IGF2R: variants seen among roughly 807,000 people sequenced by gnomAD.
The protein encoded by IGF2R is insulin like growth factor 2 receptor, also known as cation-independent mannose-6-phosphate receptor.
A neutral mutation model predicts 270.6 loss-of-function variants in IGF2R; 91 were observed. That is an observed-to-expected ratio of 0.34 (90% CI 0.28 to 0.40). The LOEUF (loss-of-function observed/expected upper bound fraction) is 0.40. IGF2R is among the 10% of genes least tolerant of loss of function. IGF2R has a pLI of 1.00. For synonymous variants in IGF2R, 1,316 were observed against 1,258.9 expected (o/e 1.05, Z -0.96); for missense variants, 2,805 against 3,188.3 (o/e 0.88, Z 2.90).
At chr6:160,048,692 C>A (rs1317897845) in intron 18 of IGF2R, 149 bp downstream of exon 18, 3 of 684,692 alleles carry the variant, frequency 4.4e-6, no homozygotes, top group Non-Finnish European at 7.3e-6. Context: ...CATGTGAACT[C>A]ATCTGCCTCC....
In IGF2R at chr6:160,050,580, C is replaced by G. The variant is rs1336793457; in HGVS notation, c.2622C>G (p.Ala874=). Residue 874 remains alanine (A), a synonymous_variant, in exon 19 of 48, where the codon GCC becomes GCG. Coordinates refer to ENST00000356956, the MANE Select transcript of IGF2R (RefSeq NM_000876.4). This position sits in a 1 kb window ranked among gnomAD's most constrained non-coding sequence, Gnocchi z 4.0. ...SLLLEYVNGS[A]CTTSDGRQTT... ...TTCTGGAATACGTGAATGGGTCGGC[C>G]TGCACCACCAGCGATGGCAGACAGA... The G allele has an allele frequency of 1.2e-6, 2 of 1,614,146 alleles. No homozygotes were observed. Among genetic ancestry groups the G allele is most frequent in the Admixed American group, 1.7e-5 (1 of 60,018 alleles).
intron 18 of IGF2R, among the ~76,000 whole-genome samples, chr6:160,049,361 G>A (rs8191815): frequency 1.3e-5 from 2 of 152,182 alleles, no homozygotes; most frequent in Admixed American, 6.5e-5. Flanking sequence ...TTGTTGGAAC[G>A]AGTGTAGTGG....
Position 160,105,936 on chromosome 6 carries a change from T to TGTGTGA in IGF2R, c.*855_*856insTGAGTG, listed in dbSNP as rs1779607903. On this transcript the variant is annotated 3_prime_UTR_variant, in exon 48 of 48. Coordinates refer to ENST00000356956, the MANE Select transcript of IGF2R (RefSeq NM_000876.4). Reference sequence around the variant, plus strand: ...GTGTGTGTGTGTGTGTGTGTGTGTGTGTGAGTGGAGTTGAGGTGTCAGAGA... The same window carrying TGTGTGA: ...GTGTGTGTGTGTGTGTGTGTGTGTGTGTGTGAGTGAGTGGAGTTGAGGTGTCAGAGA... The TGTGTGA allele has an allele frequency of 6.6e-6, 1 of 152,080 alleles. No homozygotes were observed. Among genetic ancestry groups the TGTGTGA allele is most frequent in the South Asian group, 2.1e-4 (1 of 4,780 alleles). 9.4% of individuals were successfully genotyped at this position (152,080 alleles called of 1,614,324 possible).
intron 1 of IGF2R, 137 bp from the exon 2 acceptor site, chr6:159,991,047 T>C: frequency 2.6e-6 from 2 of 758,394 alleles, no homozygotes; most frequent in Non-Finnish European, 4.2e-6. Flanking sequence ...TACTTGACTT[T>C]TTAGTGTTTT....
At chr6:159,982,384 C>T (rs986375935) in intron 1 of IGF2R, among the ~76,000 whole-genome samples, 6 of 152,158 alleles carry the variant, frequency 3.9e-5, no homozygotes, top group Non-Finnish European at 4.4e-5. Flanking sequence ...GACTTGCGTG[C>T]ATGTCGAAAG....
At chr6:159,982,282 T>G (rs1783817960) in intron 1 of IGF2R, among the ~76,000 whole-genome samples, 2 of 152,190 alleles carry the variant, frequency 1.3e-5, no homozygotes, top group African/African-American at 4.8e-5. Flanking sequence ...TTTCTGAAGG[T>G]GACTGTGCTG....
chr6:160,003,384 A>G (rs925463685), intron 2 of IGF2R: 3 of 152,202 alleles, frequency 2.0e-5, no homozygotes, highest in African/African-American at 7.2e-5. Context: ...TAGTCTGGCA[A>G]TACCTGTTAA....
At position 160,104,664 on chromosome 6, in the gene IGF2R, T is replaced by A; in HGVS notation, c.7066-10T>A. 1 of 1,606,680 alleles carries A rather than the reference T, an allele frequency of 6.2e-7. No individual in the cohort carries two copies. The highest frequency in any genetic ancestry group is 1.1e-5 in the South Asian group (1 of 89,590). ...GGGCTCACGTGGTCTCTGCTGTTGA[T>A]CCCTGGCAGGTGAATAAGGAAGAAG... On this transcript the variant is annotated splice_polypyrimidine_tract_variant and intron_variant, in intron 47 of 47. Transcript: ENST00000356956.
At chr6:159,993,985 A>ATTGTT (rs1784015548) in intron 2 of IGF2R, among the ~76,000 whole-genome samples, 1 of 61,030 alleles carries the variant, frequency 1.6e-5, no homozygotes, top group Admixed American at 2.2e-4. Flanking sequence ...CTCCAACTTG[A>ATTGTT]TTTTTTTTTT....
intron 7 of IGF2R, among the ~76,000 whole-genome samples, chr6:160,031,560 G>A (rs766231771): frequency 1.4e-4 from 21 of 151,964 alleles, no homozygotes; most frequent in Admixed American, 4.6e-4. Context: ...TTTATGTCAG[G>A]AGAATCCTAC....
At position 160,108,663 on chromosome 6, in the gene IGF2R, C is replaced by T. The variant is rs9365131; in HGVS notation, c.*3579C>T. 44,875 of 148,270 alleles carry T rather than the reference C, an allele frequency of 0.3. 7,047 individuals are homozygous for T. The highest frequency in any genetic ancestry group is 0.51 in the East Asian group (2,625 of 5,146). 9.2% of individuals were successfully genotyped at this position (148,270 alleles called of 1,614,324 possible). A position where few individuals can be genotyped will look rare whatever the true frequency, so the allele number is the denominator to read the frequency against. On this transcript the variant is annotated 3_prime_UTR_variant, in exon 48 of 48. Coordinates refer to ENST00000356956, the MANE Select transcript of IGF2R (RefSeq NM_000876.4). ...CTTCCTTTTTCCTCTTTCTTTCTTTCCTTTTCTCTCTCTCTCTTTTTCTTT... is the reference window on the plus strand; with the variant it reads ...CTTCCTTTTTCCTCTTTCTTTCTTTTCTTTTCTCTCTCTCTCTTTTTCTTT...
At chr6:159,992,373 C>A (rs1783991865) in intron 2 of IGF2R, among the ~76,000 whole-genome samples, 1 of 152,156 alleles carries the variant, frequency 6.6e-6, no homozygotes, top group Admixed American at 6.5e-5. Flanking sequence ...CCTCACCCCC[C>A]AACCTTTCTG....
intron 6 of IGF2R, among the ~76,000 whole-genome samples, chr6:160,028,071 C>T (rs771181821): frequency 5.3e-5 from 8 of 152,216 alleles, no homozygotes; most frequent in Non-Finnish European, 1.0e-4. Context: ...TATTAGTTTG[C>T]TCAGGCTGCC....
At chr6:160,054,518 T>G (rs1778268557) in intron 19 of IGF2R, among the ~76,000 whole-genome samples, 1 of 152,156 alleles carries the variant, frequency 6.6e-6, no homozygotes, top group South Asian at 2.1e-4. Flanking sequence ...GGTGGTAGGT[T>G]GATACCAGCA....
intron 16 of IGF2R, 47 bp from the exon 17 acceptor site, chr6:160,047,745 G>T: frequency 8.8e-7 from 1 of 1,139,020 alleles, no homozygotes; most frequent in Non-Finnish European, 1.3e-6. Context: ...TTTATGTCAC[G>T]TGTCTTTCTC....
intron 4 of IGF2R, among the ~76,000 whole-genome samples, chr6:160,012,401 C>G (rs1018278457): frequency 2.2e-4 from 34 of 152,082 alleles, no homozygotes; most frequent in African/African-American, 8.2e-4. Context: ...GCTCACAGTT[C>G]CGCAGGTTGT....
intron 29 of IGF2R, among the ~76,000 whole-genome samples, chr6:160,065,203 C>T (rs541122281): frequency 2.0e-5 from 3 of 152,250 alleles, no homozygotes; most frequent in South Asian, 2.1e-4. Flanking sequence ...GTGACCCCTG[C>T]GATGAAGGGA....
At chr6:160,028,828 CT>C (rs540300763) in intron 6 of IGF2R, among the ~76,000 whole-genome samples, 336 of 139,424 alleles carry the variant, frequency 2.4e-3, no homozygotes, top group Non-Finnish European at 2.4e-3. Context: ...GCTTGTCTGC[CT>C]TTTTTTTTTT....
intron 44 of IGF2R, chr6:160,093,936 T>G: frequency 1.4e-6 from 1 of 703,352 alleles, no homozygotes; most frequent in South Asian, 1.4e-5. Context: ...TCACAGACTT[T>G]GCTAAGGTTT....
Sources: gnomAD v4.1 joint callset for allele counts (sites outside exome capture counted in the v4.1 genomes callset) on GRCh38, gnomAD v4.1.1 for gene constraint, Gnocchi (gnomAD v3.1) non-coding constraint, MANE v1.5 for transcripts, NCBI Gene and HGNC (gene_info 2026-07-23, HGNC 2026-07-21) for gene names.